The following MRGPRX4 variants were observed in gnomAD, a reference collection of about 807,000 sequenced individuals.
MRGPRX4 encodes mas-related G protein-coupled receptor member X4.
Under a neutral mutation model 17.8 loss-of-function variants are expected in MRGPRX4, and 13 were observed. That is an observed-to-expected ratio of 0.73 (90% CI 0.48 to 1.16). The LOEUF is 1.16. MRGPRX4 is among the 50% of genes most tolerant of loss of function. The pLI, the probability that MRGPRX4 is intolerant of heterozygous loss-of-function variation, is 0.00. For missense variants in MRGPRX4, 399 were observed against 405.0 expected, an observed-to-expected ratio of 0.99 and a Z score of 0.13; for synonymous variants, 192 against 175.3, an observed-to-expected ratio of 1.10 and a Z score of -0.75.
At position 18,173,611 on chromosome 11, in the gene MRGPRX4, G is replaced by A. The variant is rs374930452; in HGVS notation, c.355G>A (p.Glu119Lys). 1.6e-4 allele frequency: 254 copies of A among 1,613,978 alleles called. 2 individuals are homozygous for A. The highest frequency in any genetic ancestry group is 1.7e-4 in the Non-Finnish European group (203 of 1,180,026). The change falls in exon 1 of 1, where the codon GAG (glutamate) becomes AAG (lysine). Residue 119 changes from glutamate to lysine, a missense_variant. Physicochemically the swap from Glu to Lys is moderately conservative, Grantham distance 56. Coordinates refer to ENST00000314254, the MANE Select transcript of MRGPRX4 (RefSeq NM_054032.3). ...GLSMLSAISTERCLSVLWPIW... is the reference protein window; with the variant it reads ...GLSMLSAISTKRCLSVLWPIW... ...GAGTATGCTGAGCGCCATCAGCACC[G>A]AGCGCTGCCTGTCTGTTCTGTGGCC...
chr11:18,172,923 T>G lies in MRGPRX4; in HGVS notation c.-334T>G. ...CTGAATTCCTCCACCTGAAAGAAAA[T>G]TTCAGACCCAGGATAGATTAATCAT... On this transcript the variant is annotated 5_prime_UTR_variant, in exon 1 of 1. Coordinates refer to ENST00000314254, the MANE Select transcript of MRGPRX4 (RefSeq NM_054032.3). The G allele has an allele frequency of 4.3e-6, 1 of 233,638 alleles. No individual in the cohort carries two copies. Among genetic ancestry groups the G allele is most frequent in the South Asian group, 1.2e-4 (1 of 8,132 alleles). 14.5% of individuals were successfully genotyped at this position (233,638 alleles called of 1,614,324 possible). A position where few individuals can be genotyped will look rare whatever the true frequency, so the allele number is the denominator to read the frequency against.
rs1391440809 is a variant in MRGPRX4, at chr11:18,173,020, T to A, written c.-237T>A. Reference sequence around the variant, plus strand: ...TGTTATTCCCATGTCAGCACAGAACTTGTGTGGCAGTAGAGAGATGTCAGG... The same window carrying A: ...TGTTATTCCCATGTCAGCACAGAACATGTGTGGCAGTAGAGAGATGTCAGG... On this transcript the variant is annotated 5_prime_UTR_variant, in exon 1 of 1. It adds an upstream start codon to the 5' untranslated region. Coordinates refer to ENST00000314254, the MANE Select transcript of MRGPRX4 (RefSeq NM_054032.3). 1.9e-6 allele frequency: 1 copy of A among 537,694 alleles called. No homozygotes were observed. Among genetic ancestry groups the A allele is most frequent in the African/African-American group, 1.9e-5 (1 of 52,914 alleles). 33.3% of individuals were successfully genotyped at this position (537,694 alleles called of 1,614,324 possible). A position where few individuals can be genotyped will look rare whatever the true frequency, so the allele number is the denominator to read the frequency against.
chr11:18,173,013 A>G lies in MRGPRX4; in HGVS notation c.-244A>G, dbSNP rs1191473295. The G allele has an allele frequency of 3.5e-5, 18 of 521,452 alleles. No homozygotes were observed. 32.3% of individuals were successfully genotyped at this position (521,452 alleles called of 1,614,324 possible). On this transcript the variant is annotated 5_prime_UTR_variant, in exon 1 of 1. Coordinates refer to ENST00000314254, the MANE Select transcript of MRGPRX4 (RefSeq NM_054032.3). Reference sequence around the variant, plus strand: ...ATCCTAATGTTATTCCCATGTCAGCACAGAACTTGTGTGGCAGTAGAGAGA... The same window carrying G: ...ATCCTAATGTTATTCCCATGTCAGCGCAGAACTTGTGTGGCAGTAGAGAGA...
chr11:18,173,456 A>G lies in MRGPRX4; in HGVS notation c.200A>G (p.Asn67Ser), dbSNP rs747743643. Reference protein sequence around the residue: ...RRNAVSIYILNLAAADFLFLS... With the variant: ...RRNAVSIYILSLAAADFLFLS... The stretch of plus-strand genomic sequence containing the variant: ...AACGCTGTCTCCATCTACATCCTCA[A>G]CCTGGCCGCAGCAGACTTCCTCTTC... Residue 67 changes from asparagine to serine, a missense_variant, in exon 1 of 1, where the codon AAC becomes AGC. Transcript: ENST00000314254. 185 of 1,613,930 alleles carry G rather than the reference A, an allele frequency of 1.1e-4. 1 individual carries two copies. The South Asian group carries it at 1.3e-3, about 12-fold the overall frequency.
rs531703840 is a variant in MRGPRX4, at chr11:18,174,245, C to T, written c.*20C>T. On this transcript the variant is annotated 3_prime_UTR_variant, in exon 1 of 1. Transcript: ENST00000314254. ...CCATGAGGGAGAGCCTCTGCCCTGT[C>T]AGTCAGACGGGACTTTGAGAGCAAC... 5 of 1,595,386 alleles carry T rather than the reference C, an allele frequency of 3.1e-6. No homozygotes were observed. The Admixed American group carries it at 8.7e-5, about 28-fold the overall frequency.
rs1564889245 is a variant in MRGPRX4, at chr11:18,173,650, TGCC to T, written c.401_403del (p.Arg134del). 6.2e-7 allele frequency: 1 copy of T among 1,614,174 alleles called. No homozygotes were observed. Among genetic ancestry groups the T allele is most frequent in the Non-Finnish European group, 8.5e-7 (1 of 1,180,026 alleles). On this transcript the variant is annotated inframe_deletion, in exon 1 of 1. Transcript: ENST00000314254. ...TGTTCTGTGGCCCATCTGGTACCGCTGCCGCCGCCCCACACACCTGTCAGCGGT... is the reference window on the plus strand; with the variant it reads ...TGTTCTGTGGCCCATCTGGTACCGCTGCCGCCCCACACACCTGTCAGCGGT...
rs763320316 is a variant in MRGPRX4, at chr11:18,173,770, T to C, written c.514T>C (p.Trp172Arg). ...CCTGTTTAGTGGTGCTGATTCTAGT[T>C]GGTGTGAAACGTCAGATTTCATCCC... is the stretch of plus-strand genomic sequence containing the variant. ...DFLFSGADSSWCETSDFIPVA... is the reference protein window; with the variant it reads ...DFLFSGADSSRCETSDFIPVA... The change falls in exon 1 of 1, where the codon TGG becomes CGG. Residue 172 changes from tryptophan to arginine, a missense_variant. Physicochemically the swap from Trp to Arg is moderately radical, Grantham distance 101. Transcript: ENST00000314254. 1.9e-6 allele frequency: 3 copies of C among 1,614,164 alleles called. No individual in the cohort carries two copies. Among genetic ancestry groups the C allele is most frequent in the African/African-American group, 1.3e-5 (1 of 75,042 alleles).
chr11:18,173,100 G>T lies in MRGPRX4; in HGVS notation c.-157G>T. 1 of 1,018,280 alleles carries T rather than the reference G, an allele frequency of 9.8e-7. No homozygotes were observed. Among genetic ancestry groups the T allele is most frequent in the Non-Finnish European group, 1.4e-6 (1 of 692,450 alleles). 63.1% of individuals were successfully genotyped at this position (1,018,280 alleles called of 1,614,324 possible). ...ACTGGATTTGAGGACCCCCACCTTTGGTAAGTGACTTATTATCTGCGAGCC... is the reference window on the plus strand; with the variant it reads ...ACTGGATTTGAGGACCCCCACCTTTTGTAAGTGACTTATTATCTGCGAGCC... On this transcript the variant is annotated 5_prime_UTR_variant, in exon 1 of 1. Coordinates refer to ENST00000314254, the MANE Select transcript of MRGPRX4 (RefSeq NM_054032.3).
rs767120746 is a variant in MRGPRX4, at chr11:18,173,514, C to T, written c.258C>T (p.Arg86=). The T allele has an allele frequency of 2.5e-6, 4 of 1,614,154 alleles. No individual in the cohort carries two copies. The highest frequency in any genetic ancestry group is 1.1e-5 in the South Asian group (1 of 91,076). Residue 86 remains arginine (R), a synonymous_variant, in exon 1 of 1, where the codon CGC becomes CGT. Coordinates refer to ENST00000314254, the MANE Select transcript of MRGPRX4 (RefSeq NM_054032.3). ...TCCAGATTATACGTTTGCCATTACG[C>T]CTCATCAATATCAGCCATCTCATCC... ...LSFQIIRLPL[R]LINISHLIRK...
chr11:18,173,729 G>T lies in MRGPRX4; in HGVS notation c.473G>T (p.Trp158Leu). The stretch of plus-strand genomic sequence containing the variant: ...TCCCTGCTGTTTAGTATGCTGGAGT[G>T]GAGGTTCTGTGACTTCCTGTTTAGT... ...GLSLLFSMLE[W>L]RFCDFLFSGA... Residue 158 changes from tryptophan to leucine, a missense_variant, in exon 1 of 1, where the codon TGG becomes TTG. By Grantham distance (61) the Trp-to-Leu change is moderately conservative (BLOSUM62 -2). Transcript: ENST00000314254. 1.2e-6 allele frequency: 2 copies of T among 1,614,186 alleles called. No individual in the cohort carries two copies. Among genetic ancestry groups the T allele is most frequent in the Non-Finnish European group, 1.7e-6 (2 of 1,180,030 alleles).
In MRGPRX4 at chr11:18,173,979, G is replaced by T; in HGVS notation, c.723G>T (p.Arg241Ser). 1.2e-6 allele frequency: 2 copies of T among 1,614,202 alleles called. No individual in the cohort carries two copies. Among genetic ancestry groups the T allele is most frequent in the Non-Finnish European group, 1.7e-6 (2 of 1,180,042 alleles). ...GCATTCTGGGGGCCCTAATTTACAGGATGCACCTGAATTTGGAAGTCTTAT... is the reference window on the plus strand; with the variant it reads ...GCATTCTGGGGGCCCTAATTTACAGTATGCACCTGAATTTGGAAGTCTTAT... Reference protein sequence around the residue: ...PFGILGALIYRMHLNLEVLYC... With the variant: ...PFGILGALIYSMHLNLEVLYC... The change falls in exon 1 of 1, where the codon AGG becomes AGT. Residue 241 changes from arginine to serine, a missense_variant. Coordinates refer to ENST00000314254, the MANE Select transcript of MRGPRX4 (RefSeq NM_054032.3).
rs375106299 is a variant in MRGPRX4 at position 18,173,961 on chromosome 11, G to A, written c.705G>A (p.Leu235=). The A allele has an allele frequency of 1.4e-4, 219 of 1,614,042 alleles. No individual in the cohort carries two copies. Among genetic ancestry groups the A allele is most frequent in the Non-Finnish European group, 1.7e-4 (201 of 1,180,032 alleles). ...FLLCGLPFGI[L]GALIYRMHLN... Reference sequence around the variant, plus strand: ...TCTGCGGCCTGCCCTTCGGCATTCTGGGGGCCCTAATTTACAGGATGCACC... The same window carrying A: ...TCTGCGGCCTGCCCTTCGGCATTCTAGGGGCCCTAATTTACAGGATGCACC... The change falls in exon 1 of 1, where the codon CTG becomes CTA. Residue 235 remains leucine (L), a synonymous_variant. Coordinates refer to ENST00000314254, the MANE Select transcript of MRGPRX4 (RefSeq NM_054032.3).
the MRGPRX4 span, chr11:18,173,805 G>A: frequency 2.5e-6 from 4 of 1,614,120 alleles, no homozygotes; most frequent in African/African-American, 1.3e-5. Context: ...CAGTCGCGTG[G>A]CTGATTTTTT....
rs765005300 is a variant in MRGPRX4 at position 18,173,766 on chromosome 11, T to C, written c.510T>C (p.Ser170=). ...ACTTCCTGTTTAGTGGTGCTGATTCTAGTTGGTGTGAAACGTCAGATTTCA... is the reference window on the plus strand; with the variant it reads ...ACTTCCTGTTTAGTGGTGCTGATTCCAGTTGGTGTGAAACGTCAGATTTCA... The part of the protein sequence containing the change: ...FCDFLFSGAD[S]SWCETSDFIP... The change falls in exon 1 of 1, where the codon TCT becomes TCC. Residue 170 remains serine (S), a synonymous_variant. Transcript: ENST00000314254. 9.3e-6 allele frequency: 15 copies of C among 1,614,036 alleles called. No individual in the cohort carries two copies. Among genetic ancestry groups the C allele is most frequent in the Admixed American group, 1.7e-5 (1 of 60,002 alleles).
At position 18,173,438 on chromosome 11, in the gene MRGPRX4, T is replaced by C. The variant is rs1453811861; in HGVS notation, c.182T>C (p.Val61Ala). The C allele has an allele frequency of 6.2e-7, 1 of 1,614,198 alleles. No homozygotes were observed. Among genetic ancestry groups the C allele is most frequent in the Non-Finnish European group, 8.5e-7 (1 of 1,180,030 alleles). The change falls in exon 1 of 1, where the codon GTC (valine) becomes GCC (alanine). Residue 61 changes from valine (V) to alanine (A), a missense_variant. Transcript: ENST00000314254. ...GGCTACCGCATGCGCAGGAACGCTG[T>C]CTCCATCTACATCCTCAACCTGGCC... ...LLGYRMRRNA[V>A]SIYILNLAAA...
Position 18,173,488 on chromosome 11 carries a change from T to G in MRGPRX4, c.232T>G (p.Phe78Val), listed in dbSNP as rs745994562. 1.9e-6 allele frequency: 3 copies of G among 1,614,164 alleles called. No homozygotes were observed. In the South Asian group the frequency reaches 3.3e-5, roughly 18 times the overall value. ...CGCAGCAGACTTCCTCTTCCTCAGCTTCCAGATTATACGTTTGCCATTACG... is the reference window on the plus strand; with the variant it reads ...CGCAGCAGACTTCCTCTTCCTCAGCGTCCAGATTATACGTTTGCCATTACG... ...LAAADFLFLS[F>V]QIIRLPLRLI... Residue 78 changes from phenylalanine to valine, a missense_variant, in exon 1 of 1, where the codon TTC (phenylalanine) becomes GTC (valine). Phe to Val is a conservative substitution (Grantham distance 50). Coordinates refer to ENST00000314254, the MANE Select transcript of MRGPRX4 (RefSeq NM_054032.3).
rs779242538 is a variant in MRGPRX4 at position 18,173,469 on chromosome 11, A to C, written c.213A>C (p.Ala71=). The C allele has an allele frequency of 1.5e-5, 25 of 1,614,096 alleles. No individual in the cohort carries two copies. Among genetic ancestry groups the C allele is most frequent in the African/African-American group, 4.0e-5 (3 of 74,926 alleles). The change falls in exon 1 of 1, where the codon GCA becomes GCC. Residue 71 remains alanine, a synonymous_variant. Coordinates refer to ENST00000314254, the MANE Select transcript of MRGPRX4 (RefSeq NM_054032.3). ...TCTACATCCTCAACCTGGCCGCAGCAGACTTCCTCTTCCTCAGCTTCCAGA... is the reference window on the plus strand; with the variant it reads ...TCTACATCCTCAACCTGGCCGCAGCCGACTTCCTCTTCCTCAGCTTCCAGA... The part of the protein sequence containing the change: ...VSIYILNLAA[A]DFLFLSFQII...
chr11:18,173,320 C>T lies in MRGPRX4; in HGVS notation c.64C>T (p.Pro22Ser), dbSNP rs751740321. 4 of 1,613,908 alleles carry T rather than the reference C, an allele frequency of 2.5e-6. No homozygotes were observed. Among genetic ancestry groups the T allele is most frequent in the Non-Finnish European group, 3.4e-6 (4 of 1,180,004 alleles). The change falls in exon 1 of 1, where the codon CCT (proline) becomes TCT (serine). Residue 22 changes from proline to serine, a missense_variant. Pro to Ser is a moderately conservative substitution (Grantham distance 74). Coordinates refer to ENST00000314254, the MANE Select transcript of MRGPRX4 (RefSeq NM_054032.3). ...LTPINGREET[P>S]CYNQTLSFTV... ...ACCAATCAACGGACGTGAGGAGACT[C>T]CTTGCTACAATCAGACCCTGAGCTT...
chr11:18,173,498 T>TA, the MRGPRX4 span: 1 of 1,614,222 alleles, frequency 6.2e-7, no homozygotes, highest in Non-Finnish European at 8.5e-7. Flanking sequence ...TTCCAGATTA[T>TA]ACGTTTGCCA....
Sources: gnomAD v4.1 joint callset for allele counts on GRCh38, gnomAD v4.1.1 for gene constraint, MANE v1.5 for transcripts, NCBI Gene and HGNC (gene_info 2026-07-23, HGNC 2026-07-21) for gene names.